Variants in WWOX observed in about 807,000 individuals in gnomAD.
WWOX encodes WW domain containing oxidoreductase.
In WWOX, 69 loss-of-function variants were observed where a neutral mutation model predicts 46.2. The ratio of observed to expected loss-of-function variants is 1.49; its 90% confidence interval spans 1.23 to 1.82. The LOEUF is 1.82. Ranked by LOEUF, WWOX falls within the 40% of genes most tolerant of loss-of-function variation. The probability of loss-of-function intolerance (pLI) is 0.00; values close to 1 mark genes in which losing one functional copy is unlikely to be tolerated. For synonymous variants in WWOX, 359 were observed against 202.6 expected, an observed-to-expected ratio of 1.77 and a Z score of -6.56; for missense variants, 919 against 542.6, an observed-to-expected ratio of 1.69 and a Z score of -6.89.
intron 8 of WWOX, among the ~76,000 whole-genome samples, chr16:78,867,165 A>G (rs2044021601): frequency 6.6e-6 from 1 of 152,160 alleles, no homozygotes; most frequent in South Asian, 2.1e-4. Context: ...AGTGGAGAAG[A>G]TGAGACAGAC....
chr16:78,627,657 A>G (rs2046340365), intron 8 of WWOX, among the ~76,000 whole-genome samples: 1 of 152,242 alleles, frequency 6.6e-6, no homozygotes, highest in Admixed American at 6.5e-5. Flanking sequence ...TGGGGAGAGA[A>G]GAGTCATTGA....
intron 6 of WWOX, among the ~76,000 whole-genome samples, chr16:78,405,164 C>T (rs985361090): frequency 6.6e-6 from 1 of 152,090 alleles, no homozygotes; most frequent in African/African-American, 2.4e-5. Context: ...TTTCCATTTT[C>T]AGTTAAGTGT....
intron 8 of WWOX, among the ~76,000 whole-genome samples, chr16:78,724,655 A>G (rs537959037): frequency 1.4e-4 from 22 of 152,302 alleles, no homozygotes; most frequent in African/African-American, 3.4e-4. Flanking sequence ...TTTCCATGCA[A>G]TTCCCTCTCA....
At chr16:78,838,657 T>C (rs551690693) in intron 8 of WWOX, among the ~76,000 whole-genome samples, 268 of 152,064 alleles carry the variant, frequency 1.8e-3, no homozygotes, top group African/African-American at 6.1e-3. Context: ...GCCTGACCAA[T>C]ATAGTGAAAC....
chr16:78,542,048 T>TAAAAAAAAAAAAAAAAAAA (rs1329800001), intron 8 of WWOX, among the ~76,000 whole-genome samples: 3 of 56,216 alleles, frequency 5.3e-5, no homozygotes, highest in Non-Finnish European at 4.0e-5. Flanking sequence ...AAAAAAAAAG[T>TAAAAAAAAAAAAAAAAAAA]AAATTGCACA....
chr16:78,260,243 G>T (rs1000917361), intron 5 of WWOX, among the ~76,000 whole-genome samples: 1 of 151,558 alleles, frequency 6.6e-6, no homozygotes, highest in Non-Finnish European at 1.5e-5. Context: ...CAGTGTTACT[G>T]GGAAGAGGGG....
Position 78,186,240 on chromosome 16 carries a change from C to G in WWOX, c.516+21951C>G, listed in dbSNP as rs1435297184. Among the ~76,000 whole-genome samples the G allele has an allele frequency of 2.8e-5, 4 of 144,224 alleles. No individual in the cohort carries two copies. The South Asian group carries it at 8.8e-4, about 32-fold the overall frequency. The allele number at this position is 144,224 out of a possible 152,430, so 94.6% of individuals were successfully genotyped here. ...GTTCATTTAATCTGTTTCTTTTTAC[C>G]TTTTTTTTTTTTTGACACGGCTCCT... On this transcript the variant is annotated intron_variant, in intron 5 of 8. Transcript: ENST00000566780.
At chr16:78,387,050 T>A in intron 6 of WWOX, 102 bp downstream of exon 6, 1 of 1,246,614 alleles carries the variant, frequency 8.0e-7, no homozygotes, top group Admixed American at 1.8e-5. Flanking sequence ...TGTGTTGTCT[T>A]GGCGTCCAAA....
chr16:78,525,039 A>T (rs1211284672), intron 8 of WWOX: 1 of 150,464 alleles, frequency 6.6e-6, no homozygotes, highest in African/African-American at 2.4e-5. Context: ...CTACTTGTTT[A>T]ATTTTTTGCA....
At chr16:78,244,687 A>G (rs1417196672) in intron 5 of WWOX, among the ~76,000 whole-genome samples, 2 of 152,176 alleles carry the variant, frequency 1.3e-5, no homozygotes, top group Admixed American at 1.3e-4. Context: ...CCCAGGCCTT[A>G]TCAGGGCTTA....
chr16:78,762,247 C>A (rs780877283), intron 8 of WWOX, among the ~76,000 whole-genome samples: 1 of 152,176 alleles, frequency 6.6e-6, no homozygotes, highest in Non-Finnish European at 1.5e-5. Flanking sequence ...TAAGACTGTG[C>A]CCTTTCATCC....
rs775890868 is a variant in WWOX at position 79,170,000 on chromosome 16, C to T, written c.1057-41608C>T. Among the ~76,000 whole-genome samples, 3 of 152,266 alleles carry T rather than the reference C, an allele frequency of 2.0e-5. No homozygotes were observed. The East Asian group carries it at 5.8e-4, about 29-fold the overall frequency. On this transcript the variant is annotated intron_variant, in intron 8 of 8. Transcript: ENST00000566780. ...GTGCTCTCCTGCAGGGCATTGCAAT[C>T]TTTAGGACACCTTCATTACCCCTCC...
chr16:78,887,509 AC>A (rs2044492449), intron 8 of WWOX, among the ~76,000 whole-genome samples: 1 of 146,804 alleles, frequency 6.8e-6, no homozygotes, highest in African/African-American at 2.5e-5. Context: ...ACACACACAC[AC>A]ACACACACAA....
intron 8 of WWOX, among the ~76,000 whole-genome samples, chr16:78,594,417 G>T (rs542363891): frequency 6.0e-5 from 7 of 117,618 alleles, no homozygotes; most frequent in South Asian, 3.0e-4. Flanking sequence ...TGACGAAGAA[G>T]ACTGAGGAAA....
chr16:78,109,757 C>A (rs993800502), intron 2 of WWOX, 21 bp from the exon 3 acceptor site: 4 of 1,613,880 alleles, frequency 2.5e-6, no homozygotes, highest in Middle Eastern at 1.6e-4. Context: ...CACCTGTAGA[C>A]CTGTCTTTCT....
intron 8 of WWOX, among the ~76,000 whole-genome samples, chr16:78,983,615 C>G (rs1243504203): frequency 3.9e-5 from 6 of 152,182 alleles, no homozygotes; most frequent in Admixed American, 3.9e-4. Flanking sequence ...TTTCTAGACT[C>G]TCCTGGTGTT....
chr16:78,140,642 T>A (rs1489832029), intron 4 of WWOX, among the ~76,000 whole-genome samples: 1 of 152,148 alleles, frequency 6.6e-6, no homozygotes, highest in Non-Finnish European at 1.5e-5. Context: ...TCATCTTCCC[T>A]CTATTACTGT....
intron 8 of WWOX, among the ~76,000 whole-genome samples, chr16:79,027,943 C>CT: frequency 6.6e-6 from 1 of 151,648 alleles, no homozygotes; most frequent in Non-Finnish European, 1.5e-5. Context: ...CTTTGTTTTT[C>CT]TTTTTTGTTG....
At chr16:78,828,931 A>G (rs187105580) in intron 8 of WWOX, among the ~76,000 whole-genome samples, 235 of 152,294 alleles carry the variant, frequency 1.5e-3, no homozygotes, top group African/African-American at 5.4e-3. Context: ...AAGGTAATCA[A>G]AACTTATAGA....
Sources: allele counts gnomAD v4.1 joint callset (sites outside exome capture counted in the v4.1 genomes callset), GRCh38; gene constraint gnomAD v4.1.1; transcripts MANE v1.5; gene names NCBI Gene and HGNC (gene_info 2026-07-23, HGNC 2026-07-21).